CERT1: variants seen among roughly 807,000 people sequenced by gnomAD.
CERT1 encodes ceramide transporter 1.
A neutral mutation model predicts 87.9 loss-of-function variants in CERT1; 31 were observed. That is an observed-to-expected ratio of 0.35 (90% CI 0.27 to 0.48). The LOEUF is 0.48. Ranked by LOEUF, CERT1 falls within the 20% of genes least tolerant of loss-of-function variation. The pLI, the probability that CERT1 is intolerant of heterozygous loss-of-function variation, is 0.99. For missense variants in CERT1, 487 were observed against 758.0 expected (o/e 0.64, Z 4.20); for synonymous variants, 289 against 250.9 (o/e 1.15, Z -1.44).
intron 3 of CERT1, among the ~76,000 whole-genome samples, chr5:75,449,978 T>C (rs1279575148): frequency 6.6e-6 from 1 of 152,210 alleles, no homozygotes; most frequent in Non-Finnish European, 1.5e-5. Flanking sequence ...CATTAGTTAA[T>C]ATGACTAGCT....
At chr5:75,452,308 A>T (rs1271126790) in intron 3 of CERT1, among the ~76,000 whole-genome samples, 1 of 152,232 alleles carries the variant, frequency 6.6e-6, no homozygotes, top group Admixed American at 6.5e-5. Context: ...ACGTGGGGAA[A>T]GTCTGTGTGG....
intron 17 of CERT1, chr5:75,369,255 C>T (rs997327284): frequency 6.6e-6 from 1 of 152,142 alleles, no homozygotes; most frequent in African/African-American, 2.4e-5. Context: ...CCATATATGA[C>T]TGGTTTATCG....
intron 15 of CERT1, 58 bp downstream of exon 15, chr5:75,381,891 G>A (rs373903134): frequency 2.2e-5 from 32 of 1,471,006 alleles, no homozygotes; most frequent in South Asian, 8.3e-5. Flanking sequence ...TTTTTGTCCC[G>A]CATTGTGTAT....
At position 75,411,059 on chromosome 5, in the gene CERT1, T is replaced by C. The variant is rs756381033; in HGVS notation, c.882A>G (p.Ala294=). 3.8e-6 allele frequency: 6 copies of C among 1,596,262 alleles called. No homozygotes were observed. The highest frequency in any genetic ancestry group is 5.1e-6 in the Non-Finnish European group (6 of 1,169,480). The change falls in exon 8 of 17, where the codon GCA becomes GCG. Residue 294 remains alanine (A), a synonymous_variant. Coordinates refer to ENST00000643780, the MANE Select transcript of CERT1 (RefSeq NM_001379029.1). ...GGGATTTTTTCTTAAGTTCTGTCAT[T>C]GCATTTTTATATGCTTCCTCTGTTC... ...KRRTEEAYKN[A]MTELKKKSHF...
chr5:75,447,745 A>G (rs1401930382), intron 3 of CERT1, among the ~76,000 whole-genome samples: 1 of 151,808 alleles, frequency 6.6e-6, no homozygotes, highest in Non-Finnish European at 1.5e-5. Flanking sequence ...GAGTGCTGGG[A>G]TAACAGGTGT....
At chr5:75,484,791 C>T (rs1580837697) in intron 2 of CERT1, among the ~76,000 whole-genome samples, 1 of 151,630 alleles carries the variant, frequency 6.6e-6, no homozygotes, top group African/African-American at 2.4e-5. Flanking sequence ...CTTCAACACC[C>T]CACTTTCAGC....
At chr5:75,442,215 A>G (rs1253004382) in intron 3 of CERT1, among the ~76,000 whole-genome samples, 3 of 152,156 alleles carry the variant, frequency 2.0e-5, no homozygotes, top group African/African-American at 4.8e-5. Flanking sequence ...CAACTTAGAG[A>G]TATTGTCCAG....
chr5:75,384,855 G>A, intron 13 of CERT1, 143 bp from the exon 14 acceptor site: 1 of 589,062 alleles, frequency 1.7e-6, no homozygotes. Context: ...CAAATGGAAG[G>A]TAGCTAATAC....
chr5:75,378,650 A>G lies in CERT1; in HGVS notation c.*696T>C, dbSNP rs915459243. 6.6e-6 allele frequency: 1 copy of G among 152,258 alleles called. No individual in the cohort carries two copies. The highest frequency in any genetic ancestry group is 1.5e-5 in the Non-Finnish European group (1 of 68,046). The allele number at this position is 152,258 out of a possible 1,614,324, so 9.4% of individuals were successfully genotyped here. On this transcript the variant is annotated 3_prime_UTR_variant, in exon 17 of 17. Coordinates refer to ENST00000643780, the MANE Select transcript of CERT1 (RefSeq NM_001379029.1). ...TTGTTAAGTGAAAAAAAGGTTATAA[A>G]ACAAGAATTTTGTATAATAGTAAGT...
At chr5:75,411,166 T>C (rs1762921048) in intron 7 of CERT1, 63 bp from the exon 8 acceptor site, 1 of 854,112 alleles carries the variant, frequency 1.2e-6, no homozygotes, top group Admixed American at 2.6e-5. Flanking sequence ...ATGAAGTCTT[T>C]TAGGTGGAAT....
intron 10 of CERT1, among the ~76,000 whole-genome samples, chr5:75,399,768 AT>A (rs1762393639): frequency 2.0e-5 from 3 of 152,220 alleles, no homozygotes; most frequent in Admixed American, 6.5e-5. Flanking sequence ...TGGAGGATGT[AT>A]ATGGAATACA....
At chr5:75,423,089 T>C (rs1183955201) in intron 5 of CERT1, among the ~76,000 whole-genome samples, 2 of 152,236 alleles carry the variant, frequency 1.3e-5, no homozygotes, top group Non-Finnish European at 2.9e-5. Context: ...GTCTTCAATT[T>C]GCTATTTATT....
intron 11 of CERT1, among the ~76,000 whole-genome samples, chr5:75,398,432 C>T (rs115126105): frequency 2.0e-5 from 3 of 152,118 alleles, no homozygotes; most frequent in African/African-American, 7.2e-5. Flanking sequence ...AAATGAAGCA[C>T]AAAAAAGTTA....
chr5:75,370,152 T>C (rs757543800), intron 17 of CERT1: 18 of 152,200 alleles, frequency 1.2e-4, no homozygotes, highest in Non-Finnish European at 2.5e-4. Flanking sequence ...TCAACACAAG[T>C]CAGATTTTCC....
Position 75,399,340 on chromosome 5 carries a change from G to C in CERT1, c.1158C>G (p.Ala386=), listed in dbSNP as rs557731873. The part of the protein sequence containing the change: ...SSMSSIDLVS[A]SDDVHRFSSQ... ...AGCTGAATCTGTGAACATCATCAGA[G>C]GCACTGACTAGATCAATGGAAGACA... The change falls in exon 11 of 17, where the codon GCC becomes GCG. Residue 386 remains alanine, a synonymous_variant. Transcript: ENST00000643780. 2.0e-5 allele frequency: 32 copies of C among 1,613,502 alleles called. No individual in the cohort carries two copies. Among genetic ancestry groups the C allele is most frequent in the Non-Finnish European group, 2.6e-5 (31 of 1,179,630 alleles).
rs909041289 is a variant in CERT1 at position 75,379,205 on chromosome 5, A to G, written c.*141T>C. 4 of 784,544 alleles carry G rather than the reference A, an allele frequency of 5.1e-6. No homozygotes were observed. The African/African-American group carries it at 7.0e-5, about 14-fold the overall frequency. 48.6% of individuals were successfully genotyped at this position (784,544 alleles called of 1,614,324 possible). A position where few individuals can be genotyped will look rare whatever the true frequency, so the allele number is the denominator to read the frequency against. On this transcript the variant is annotated 3_prime_UTR_variant, in exon 17 of 17. Transcript: ENST00000643780. Reference sequence around the variant, plus strand: ...TAAAACAACAACAACGACAACAACAAAAACCAACGAAACAATACTCTATAG... The same window carrying G: ...TAAAACAACAACAACGACAACAACAGAAACCAACGAAACAATACTCTATAG...
At chr5:75,498,296 T>C (rs746430049) in intron 2 of CERT1, among the ~76,000 whole-genome samples, 1 of 152,052 alleles carries the variant, frequency 6.6e-6, no homozygotes, top group Non-Finnish European at 1.5e-5. Context: ...ACTGCAAAAA[T>C]TTGCATAAGT....
chr5:75,373,233 A>G (rs1761149793), downstream of CERT1: 1 of 152,218 alleles, frequency 6.6e-6, no homozygotes, highest in Admixed American at 6.5e-5. Flanking sequence ...GTTACTGAAT[A>G]CCAGAAATAT....
In CERT1 at chr5:75,511,590, C is replaced by T; in HGVS notation, c.-383G>A. ...CGCTGAGTCCCGCGTCCACTCACAC[C>T]TCCGCTACCGCCGCCATCTTCCTGC... On this transcript the variant is annotated 5_prime_UTR_variant, in exon 1 of 17. Transcript: ENST00000643780. The T allele has an allele frequency of 1.4e-6, 2 of 1,466,170 alleles. No homozygotes were observed. The highest frequency in any genetic ancestry group is 2.8e-5 in the South Asian group (2 of 72,386). 90.8% of individuals were successfully genotyped at this position (1,466,170 alleles called of 1,614,324 possible).
Sources: allele counts gnomAD v4.1 joint callset (sites outside exome capture counted in the v4.1 genomes callset), GRCh38; gene constraint gnomAD v4.1.1; transcripts MANE v1.5; gene names NCBI Gene and HGNC (gene_info 2026-07-23, HGNC 2026-07-21).